DLG2: variants seen among roughly 807,000 people sequenced by gnomAD.
DLG2 encodes disks large homolog 2.
A neutral mutation model predicts 132.5 loss-of-function variants in DLG2; 45 were observed. The observed-to-expected ratio is 0.34, with a 90% CI of 0.27 to 0.44. DLG2 has a LOEUF of 0.44. Ranked by LOEUF, DLG2 falls within the 20% of genes least tolerant of loss-of-function variation. The probability of loss-of-function intolerance (pLI) is 1.00; values close to 1 mark genes in which losing one functional copy is unlikely to be tolerated. For missense variants in DLG2, 1,045 were observed against 1,196.9 expected (o/e 0.87, Z 1.87); for synonymous variants, 424 against 419.6 (o/e 1.01, Z -0.13).
chr11:83,724,080 G>T (rs910023942), intron 18 of DLG2, among the ~76,000 whole-genome samples: 12 of 152,172 alleles, frequency 7.9e-5, no homozygotes, highest in African/African-American at 2.9e-4. Context: ...CCAAAATAAG[G>T]TAACCGTGCC....
chr11:84,769,450 T>G (rs1011773745), intron 6 of DLG2, among the ~76,000 whole-genome samples: 2 of 152,058 alleles, frequency 1.3e-5, no homozygotes, highest in African/African-American at 4.8e-5. Flanking sequence ...ATATTTTTAA[T>G]GAACAAAGTC....
chr11:83,741,534 T>A (rs190938769), intron 18 of DLG2, among the ~76,000 whole-genome samples: 6 of 152,180 alleles, frequency 3.9e-5, no homozygotes, highest in Non-Finnish European at 2.9e-5. Context: ...AGTAATATCA[T>A]GAACACAATC....
intron 7 of DLG2, among the ~76,000 whole-genome samples, chr11:84,275,474 C>T (rs944771758): frequency 2.0e-5 from 3 of 152,202 alleles, no homozygotes; most frequent in African/African-American, 7.2e-5. Context: ...CCTGCCTTAG[C>T]CTCCTGAGTA....
chr11:84,753,713 T>G (rs1360523564), intron 6 of DLG2, among the ~76,000 whole-genome samples: 1 of 152,204 alleles, frequency 6.6e-6, no homozygotes, highest in Non-Finnish European at 1.5e-5. Context: ...TTAAATTATC[T>G]AAAGTCATGG....
At chr11:83,843,496 G>A (rs1185180227) in intron 16 of DLG2, among the ~76,000 whole-genome samples, 2 of 152,150 alleles carry the variant, frequency 1.3e-5, no homozygotes, top group Admixed American at 6.5e-5. Context: ...CTGTCAATCT[G>A]TATGGTCCTG....
chr11:83,535,383 C>T (rs1216290799), intron 20 of DLG2, among the ~76,000 whole-genome samples: 1 of 152,162 alleles, frequency 6.6e-6, no homozygotes. Flanking sequence ...TACAGAATGT[C>T]AGGAGGAACT....
At chr11:84,875,145 GTGATAT>G (rs2086141857) in intron 6 of DLG2, among the ~76,000 whole-genome samples, 1 of 152,010 alleles carries the variant, frequency 6.6e-6, no homozygotes, top group South Asian at 2.1e-4. Context: ...GGGCCAATTC[GTGATAT>G]TAAGAATGAC....
chr11:84,355,419 T>C (rs2098605378), intron 7 of DLG2, among the ~76,000 whole-genome samples: 1 of 151,890 alleles, frequency 6.6e-6, no homozygotes, highest in Non-Finnish European at 1.5e-5. Context: ...TGAATGGAAT[T>C]AGTGCCATTA....
chr11:83,750,193 AT>A (rs955008544), intron 18 of DLG2, among the ~76,000 whole-genome samples: 2 of 152,204 alleles, frequency 1.3e-5, no homozygotes, highest in South Asian at 2.1e-4. Flanking sequence ...TGGCCCTAGG[AT>A]TTAAGGCTAA....
Position 84,362,818 on chromosome 11 carries a change from G to A in DLG2, c.520-111527C>T, listed in dbSNP as rs528827478. 3.9e-5 allele frequency among the ~76,000 whole-genome samples: 6 copies of A among 152,230 alleles called. No individual in the cohort carries two copies. The South Asian group carries it at 1.2e-3, about 32-fold the overall frequency. On this transcript the variant is annotated intron_variant, in intron 7 of 27. Transcript: ENST00000376104. ...AATGATGATTTCCAATTTCATCCATGCCCCTACAAAGGACATGAACTCATC... is the reference window on the plus strand; with the variant it reads ...AATGATGATTTCCAATTTCATCCATACCCCTACAAAGGACATGAACTCATC...
At chr11:84,498,318 C>T (rs1370280565) in intron 7 of DLG2, among the ~76,000 whole-genome samples, 1 of 152,090 alleles carries the variant, frequency 6.6e-6, no homozygotes, top group Non-Finnish European at 1.5e-5. Context: ...CTTATTCAGT[C>T]AATCCAATGA....
intron 10 of DLG2, 131 bp downstream of exon 10, chr11:84,098,792 A>G: frequency 1.9e-6 from 2 of 1,054,360 alleles, no homozygotes; most frequent in Non-Finnish European, 2.7e-6. Flanking sequence ...AAGTCATTTC[A>G]GGAAGCTTGC....
rs147458676 is a variant in DLG2 at position 83,733,238 on chromosome 11, C to T, written c.1825+53452G>A. ...CCTGGGCAATGGAGGGAGACCCCAT[C>T]TCAAAAAAAAAAAAAAAAAAAAAAA... On this transcript the variant is annotated intron_variant, in intron 18 of 27. Coordinates refer to ENST00000376104, the MANE Select transcript of DLG2 (RefSeq NM_001142699.3). Among the ~76,000 whole-genome samples, 68 of 66,020 alleles carry T rather than the reference C, an allele frequency of 1.0e-3. No individual in the cohort carries two copies. In the East Asian group the frequency reaches 0.027, roughly 26 times the overall value. The allele number at this position is 66,020 out of a possible 152,430, so 43.3% of individuals were successfully genotyped here. A position where few individuals can be genotyped will look rare whatever the true frequency, so the allele number is the denominator to read the frequency against.
intron 6 of DLG2, among the ~76,000 whole-genome samples, chr11:84,902,729 C>T (rs1390331318): frequency 2.0e-5 from 3 of 152,130 alleles, no homozygotes; most frequent in African/African-American, 7.2e-5. Flanking sequence ...CTGAATGCCT[C>T]TCAGGGCTTA....
At chr11:84,827,877 C>T (rs1463208229) in intron 6 of DLG2, among the ~76,000 whole-genome samples, 3 of 151,520 alleles carry the variant, frequency 2.0e-5, no homozygotes, top group African/African-American at 7.3e-5. Flanking sequence ...CATGTTCTCA[C>T]TTATTAGTGG....
chr11:83,616,218 T>G (rs950997820), intron 19 of DLG2, among the ~76,000 whole-genome samples: 1 of 152,216 alleles, frequency 6.6e-6, no homozygotes, highest in African/African-American at 2.4e-5. Context: ...CCTGTATATA[T>G]TTTTGTTGAA....
chr11:85,239,280 G>T (rs1156529765), intron 4 of DLG2, among the ~76,000 whole-genome samples: 1 of 152,002 alleles, frequency 6.6e-6, no homozygotes, highest in Non-Finnish European at 1.5e-5. Context: ...TTTTAATGCT[G>T]CATCTTTACA....
chr11:85,534,430 T>C (rs2075436342), intron 3 of DLG2, among the ~76,000 whole-genome samples: 1 of 152,160 alleles, frequency 6.6e-6, no homozygotes, highest in African/African-American at 2.4e-5. Context: ...GGGCTTCTAA[T>C]AATCCCATTA....
chr11:84,938,284 A>T (rs1270869672), intron 6 of DLG2, among the ~76,000 whole-genome samples: 2 of 152,120 alleles, frequency 1.3e-5, no homozygotes, highest in Non-Finnish European at 2.9e-5. Flanking sequence ...AAATCAATAA[A>T]ATATCAGCCA....
Sources: allele counts gnomAD v4.1 joint callset (sites outside exome capture counted in the v4.1 genomes callset), GRCh38; gene constraint gnomAD v4.1.1; transcripts MANE v1.5; gene names NCBI Gene and HGNC (gene_info 2026-07-23, HGNC 2026-07-21).